Variants in PHLPP2 observed in about 807,000 individuals in gnomAD.
PHLPP2 encodes PH domain and leucine rich repeat protein phosphatase 2.
Under a neutral mutation model 124.9 loss-of-function variants are expected in PHLPP2, and 66 were observed. The observed-to-expected ratio is 0.53, with a 90% CI of 0.43 to 0.65. The LOEUF is 0.65. PHLPP2 is among the 30% of genes least tolerant of loss of function. The probability of loss-of-function intolerance (pLI) is 0.00; values close to 1 mark genes in which losing one functional copy is unlikely to be tolerated. For synonymous variants in PHLPP2, 681 were observed against 624.7 expected, an observed-to-expected ratio of 1.09 and a Z score of -1.34; for missense variants, 1,685 against 1,600.4, an observed-to-expected ratio of 1.05 and a Z score of -0.90.
intron 17 of PHLPP2, chr16:71,654,961 CAT>C: frequency 2.9e-6 from 1 of 339,540 alleles, no homozygotes; most frequent in Non-Finnish European, 5.4e-6. Flanking sequence ...TGTACAACCA[CAT>C]ATATATACAC....
rs750372150 is a variant in PHLPP2, at chr16:71,714,830, T to C, written c.-6-29A>G. 1.3e-5 allele frequency: 21 copies of C among 1,591,098 alleles called. No homozygotes were observed. In the East Asian group the frequency reaches 4.7e-4, roughly 36 times the overall value. The stretch of plus-strand genomic sequence containing the variant: ...AAAAATATCAAGAGAAAGAAATCGT[T>C]AGCTAGAACATCTGACTGAATTAGA... On this transcript the variant is annotated intron_variant, in intron 1 of 18. Transcript: ENST00000568954.
intron 1 of PHLPP2, among the ~76,000 whole-genome samples, chr16:71,722,071 G>A (rs1298466484): frequency 6.6e-6 from 1 of 150,720 alleles, no homozygotes; most frequent in African/African-American, 2.4e-5. Flanking sequence ...TCCCAATTCA[G>A]AGTATTCTAC....
At position 71,648,643 on chromosome 16, in the gene PHLPP2, G is replaced by C. The variant is rs1050837431; in HGVS notation, c.*247C>G. 61 of 481,820 alleles carry C rather than the reference G, an allele frequency of 1.3e-4. No homozygotes were observed. Among genetic ancestry groups the C allele is most frequent in the Admixed American group, 1.8e-4 (5 of 28,160 alleles). 29.8% of individuals were successfully genotyped at this position (481,820 alleles called of 1,614,324 possible). On this transcript the variant is annotated 3_prime_UTR_variant, in exon 19 of 19. Transcript: ENST00000568954. ...AAAACTTAGCCGGGCATAATGGCAG[G>C]TGCCTGTAATCCCAGCTACTCGGGA...
chr16:71,694,978 G>A (rs974463706), intron 3 of PHLPP2, among the ~76,000 whole-genome samples: 2 of 151,982 alleles, frequency 1.3e-5, no homozygotes, highest in African/African-American at 2.4e-5. Context: ...GTAGAGACAA[G>A]GGTTCACTGT....
At chr16:71,700,059 C>T (rs995367311) in intron 3 of PHLPP2, among the ~76,000 whole-genome samples, 2 of 152,148 alleles carry the variant, frequency 1.3e-5, no homozygotes, top group Non-Finnish European at 2.9e-5. Context: ...GTACCCCTGT[C>T]ACAAGTCCCA....
intron 16 of PHLPP2, 66 bp from the exon 17 acceptor site, chr16:71,655,500 A>ATTT: frequency 8.8e-7 from 1 of 1,131,972 alleles, no homozygotes; most frequent in Admixed American, 2.3e-5. Flanking sequence ...TCCAGGGAGC[A>ATTT]TTCTTTTTTT....
In PHLPP2 at chr16:71,655,264, G is replaced by A. The variant is rs780729741; in HGVS notation, c.2561C>T (p.Ala854Val). The change falls in exon 17 of 19, where the codon GCT becomes GTT. Residue 854 changes from alanine to valine, a missense_variant. Coordinates refer to ENST00000568954, the MANE Select transcript of PHLPP2 (RefSeq NM_015020.3). ...CCTGTGAGATACCAAGAAGGTGTTA[G>A]CCATGAAAACTGTGTCATTAGTTGA... The part of the protein sequence containing the change: ...QQSTNDTVFM[A>V]NTFLVSHRKL... The A allele has an allele frequency of 1.2e-6, 2 of 1,612,998 alleles. No homozygotes were observed. The highest frequency in any genetic ancestry group is 2.7e-5 in the African/African-American group (2 of 74,884).
chr16:71,650,644 G>C (rs1040401309), intron 18 of PHLPP2, among the ~76,000 whole-genome samples: 2 of 152,196 alleles, frequency 1.3e-5, no homozygotes, highest in African/African-American at 4.8e-5. Context: ...AGAGGAAACA[G>C]AGTAACCCTG....
At chr16:71,653,747 T>A (rs1021649982) in intron 17 of PHLPP2, among the ~76,000 whole-genome samples, 1 of 152,124 alleles carries the variant, frequency 6.6e-6, no homozygotes, top group Non-Finnish European at 1.5e-5. Context: ...ATAAATGGAG[T>A]TCCCTTTCCT....
At chr16:71,710,259 A>C (rs547637422) in intron 2 of PHLPP2, among the ~76,000 whole-genome samples, 19 of 152,200 alleles carry the variant, frequency 1.2e-4, no homozygotes, top group South Asian at 4.1e-4. Context: ...CCAAATGGCA[A>C]GGTGGGAGGG....
chr16:71,676,439 A>G lies in PHLPP2; in HGVS notation c.1471+8T>C. 1 of 1,611,172 alleles carries G rather than the reference A, an allele frequency of 6.2e-7. No homozygotes were observed. The highest frequency in any genetic ancestry group is 8.5e-7 in the Non-Finnish European group (1 of 1,177,382). On this transcript the variant is annotated splice_region_variant and intron_variant, in intron 9 of 18. Coordinates refer to ENST00000568954, the MANE Select transcript of PHLPP2 (RefSeq NM_015020.3). The stretch of plus-strand genomic sequence containing the variant: ...GAGAAAAAACAAAAGGCTGCAGAGA[A>G]AACTCACTGTTGGAACTGGCATAGA...
rs2044972122 is a variant in PHLPP2 at position 71,678,926 on chromosome 16, T to C, written c.1097A>G (p.Asn366Ser). Residue 366 changes from asparagine to serine, a missense_variant, in exon 8 of 19, where the codon AAT (asparagine) becomes AGT (serine). By Grantham distance (46) the Asn-to-Ser change is conservative. Coordinates refer to ENST00000568954, the MANE Select transcript of PHLPP2 (RefSeq NM_015020.3). ...FLTTLPEELG[N>S]LQQLSSLGIS... ...TCCCAAGGAGGAAAGCTGTTGTAGA[T>C]TTCCCAATTCTTCAGGTAAAGTAGT... 2.5e-6 allele frequency: 4 copies of C among 1,613,482 alleles called. No individual in the cohort carries two copies. The highest frequency in any genetic ancestry group is 3.4e-6 in the Non-Finnish European group (4 of 1,179,520).
intron 13 of PHLPP2, among the ~76,000 whole-genome samples, chr16:71,661,538 C>G (rs376262936): frequency 2.6e-5 from 4 of 152,024 alleles, no homozygotes; most frequent in East Asian, 3.9e-4. Flanking sequence ...ATTATTTTCA[C>G]TTTATATGAA....
chr16:71,660,332 C>T (rs1428596544), intron 13 of PHLPP2, among the ~76,000 whole-genome samples: 1 of 130,528 alleles, frequency 7.7e-6, no homozygotes, highest in South Asian at 2.6e-4. Context: ...GTTATTACTG[C>T]ACCACTGCAC....
Position 71,648,997 on chromosome 16 carries a change from C to T in PHLPP2, c.3865G>A (p.Glu1289Lys). 6.2e-7 allele frequency: 1 copy of T among 1,614,096 alleles called. No homozygotes were observed. The highest frequency in any genetic ancestry group is 8.5e-7 in the Non-Finnish European group (1 of 1,179,986). The change falls in exon 19 of 19, where the codon GAA becomes AAA. Residue 1289 changes from glutamate (E) to lysine (K), a missense_variant. Glu to Lys is a moderately conservative substitution (Grantham distance 56, BLOSUM62 1). Transcript: ENST00000568954. ...TGTTTCATTTGTTCCTTCACTTCTT[C>T]TTCCAGGTCATGAGGCACAACAAAC... Reference protein sequence around the residue: ...DQFVVPHDLEEEVKEQMKQHQ... With the variant: ...DQFVVPHDLEKEVKEQMKQHQ...
At chr16:71,669,864 T>C (rs1596996328) in intron 10 of PHLPP2, among the ~76,000 whole-genome samples, 1 of 152,148 alleles carries the variant, frequency 6.6e-6, no homozygotes, top group Non-Finnish European at 1.5e-5. Context: ...AAATAATTAG[T>C]AGAGCACTAG....
Position 71,650,012 on chromosome 16 carries a change from G to C in PHLPP2, c.2850C>G (p.Thr950=). 6.2e-7 allele frequency: 1 copy of C among 1,610,422 alleles called. No individual in the cohort carries two copies. Among genetic ancestry groups the C allele is most frequent in the Non-Finnish European group, 8.5e-7 (1 of 1,179,848 alleles). Residue 950 remains threonine, a synonymous_variant, in exon 19 of 19, where the codon ACC becomes ACG. Coordinates refer to ENST00000568954, the MANE Select transcript of PHLPP2 (RefSeq NM_015020.3). The stretch of plus-strand genomic sequence containing the variant: ...AGAGGTATGTACAGCCCAGCATCCG[G>C]GTACAGCAGGTTACCCCATTCACTT... The part of the protein sequence containing the change: ...DNKVNGVTCC[T]RMLGCTYLYP...
intron 18 of PHLPP2, among the ~76,000 whole-genome samples, chr16:71,650,544 T>A (rs1220441302): frequency 6.6e-6 from 1 of 151,526 alleles, no homozygotes; most frequent in Non-Finnish European, 1.5e-5. Context: ...AAAAGGGGAG[T>A]CTGAGATGTG....
chr16:71,672,195 G>T, intron 10 of PHLPP2, 67 bp downstream of exon 10: 1 of 1,170,496 alleles, frequency 8.5e-7, no homozygotes, highest in Non-Finnish European at 1.3e-6. Context: ...CATCAAAACT[G>T]CCAAAAAATC....
Sources: gnomAD v4.1 joint callset for allele counts (sites outside exome capture counted in the v4.1 genomes callset) on GRCh38, gnomAD v4.1.1 for gene constraint, MANE v1.5 for transcripts, NCBI Gene and HGNC (gene_info 2026-07-23, HGNC 2026-07-21) for gene names.